The following RTRAF variants were observed in gnomAD, a reference collection of about 807,000 sequenced individuals.
RTRAF encodes the protein RNA transcription, translation and transport factor, also known as tRNA-splicing ligase complex subunit RTRAF.
Under a neutral mutation model 34.4 loss-of-function variants are expected in RTRAF, and 14 were observed. That is an observed-to-expected ratio of 0.41 (90% CI 0.27 to 0.64). The LOEUF is 0.64. Ranked by LOEUF, RTRAF falls within the 30% of genes least tolerant of loss-of-function variation. The pLI, the probability that RTRAF is intolerant of heterozygous loss-of-function variation, is 0.34. For missense variants in RTRAF, 291 were observed against 288.4 expected (o/e 1.01, Z -0.06); for synonymous variants, 96 against 95.3 (o/e 1.01, Z -0.04).
chr14:52,006,673 AGG>A lies in RTRAF; in HGVS notation c.*2161_*2162del, dbSNP rs1222504827. 6.2e-7 allele frequency: 1 copy of A among 1,612,886 alleles called. No individual in the cohort carries two copies. Among genetic ancestry groups the A allele is most frequent in the African/African-American group, 1.3e-5 (1 of 74,894 alleles). On this transcript the variant is annotated 3_prime_UTR_variant, in exon 8 of 8. Transcript: ENST00000261700. The stretch of plus-strand genomic sequence containing the variant: ...AGTTTTTTGGTTCCTTTTAAAACAA[AGG>A]GGGAAAATGAGGTCCTTCAGCTGCT...
rs1410149988 is a variant in RTRAF at position 52,008,541 on chromosome 14, A to C, written c.*4025A>C. The C allele has an allele frequency of 6.6e-6, 1 of 152,244 alleles. No individual in the cohort carries two copies. The highest frequency in any genetic ancestry group is 1.5e-5 in the Non-Finnish European group (1 of 68,070). 9.4% of individuals were successfully genotyped at this position (152,244 alleles called of 1,614,324 possible). A position where few individuals can be genotyped will look rare whatever the true frequency, so the allele number is the denominator to read the frequency against. Reference sequence around the variant, plus strand: ...TTTCTTACACAGCAGTAGGTAACTAATACACAGCCATATTCCACTTTTACC... The same window carrying C: ...TTTCTTACACAGCAGTAGGTAACTACTACACAGCCATATTCCACTTTTACC... On this transcript the variant is annotated 3_prime_UTR_variant, in exon 8 of 8. Coordinates refer to ENST00000261700, the MANE Select transcript of RTRAF (RefSeq NM_016039.3).
At position 52,005,402 on chromosome 14, in the gene RTRAF, T is replaced by C. The variant is rs1358869765; in HGVS notation, c.*886T>C. ...GAACGTCTAATGGCCAATTCCTTTTTTACTTTCTTTGCCTTTGCAGTCACT... is the reference window on the plus strand; with the variant it reads ...GAACGTCTAATGGCCAATTCCTTTTCTACTTTCTTTGCCTTTGCAGTCACT... On this transcript the variant is annotated 3_prime_UTR_variant, in exon 8 of 8. Transcript: ENST00000261700. 5 of 1,360,232 alleles carry C rather than the reference T, an allele frequency of 3.7e-6. No individual in the cohort carries two copies. The highest frequency in any genetic ancestry group is 5.0e-5 in the Admixed American group (2 of 40,086). 84.3% of individuals were successfully genotyped at this position (1,360,232 alleles called of 1,614,324 possible).
At chr14:51,993,218 T>C (rs1249031560) in intron 2 of RTRAF, among the ~76,000 whole-genome samples, 1 of 152,184 alleles carries the variant, frequency 6.6e-6, no homozygotes, top group African/African-American at 2.4e-5. Context: ...ATAATACTAT[T>C]ATATGCAACA....
intron 1 of RTRAF, among the ~76,000 whole-genome samples, chr14:51,990,764 A>T (rs1890420105): frequency 6.6e-6 from 1 of 152,212 alleles, no homozygotes; most frequent in Admixed American, 6.5e-5. Context: ...TTAACATTCC[A>T]TGACAACAGT....
rs746758369 is a variant in RTRAF at position 52,004,182 on chromosome 14, CT to C, written c.532-5del. On this transcript the variant is annotated splice_polypyrimidine_tract_variant and intron_variant, in intron 6 of 7. Coordinates refer to ENST00000261700, the MANE Select transcript of RTRAF (RefSeq NM_016039.3). ...CCATAAATACTCTCATTTTGTCTTTCTTTTTTTAAAGGGCTTACCTGTTGCT... is the reference window on the plus strand; with the variant it reads ...CCATAAATACTCTCATTTTGTCTTTCTTTTTTAAAGGGCTTACCTGTTGCT... 4 of 1,606,756 alleles carry C rather than the reference CT, an allele frequency of 2.5e-6. No homozygotes were observed. Among genetic ancestry groups the C allele is most frequent in the Admixed American group, 3.4e-5 (2 of 59,540 alleles).
rs564171907 is a variant in RTRAF, at chr14:52,006,892, G to T, written c.*2376G>T. ...ACAGGATTGCATTTACTGAAATCTG[G>T]TAAGTTTCTGCCAAAGTAGGGCATT... On this transcript the variant is annotated 3_prime_UTR_variant, in exon 8 of 8. Transcript: ENST00000261700. 65 of 351,712 alleles carry T rather than the reference G, an allele frequency of 1.8e-4. No homozygotes were observed. The South Asian group carries it at 2.3e-3, about 13-fold the overall frequency. 21.8% of individuals were successfully genotyped at this position (351,712 alleles called of 1,614,324 possible). A position where few individuals can be genotyped will look rare whatever the true frequency, so the allele number is the denominator to read the frequency against.
At chr14:51,989,852 T>G (rs972128401) in intron 1 of RTRAF, 152 bp downstream of exon 1, 151 of 679,660 alleles carry the variant, frequency 2.2e-4, no homozygotes, top group Non-Finnish European at 3.5e-4. Context: ...GCCACGTACC[T>G]CGGCTCTTCG....
intron 2 of RTRAF, among the ~76,000 whole-genome samples, chr14:51,992,859 C>T (rs193216996): frequency 7.2e-5 from 11 of 152,182 alleles, no homozygotes; most frequent in East Asian, 1.9e-4. Flanking sequence ...GGCGAAACCC[C>T]GTCTCTACTA....
In RTRAF at chr14:52,007,445, T is replaced by A. The variant is rs765258781; in HGVS notation, c.*2929T>A. 4 of 234,840 alleles carry A rather than the reference T, an allele frequency of 1.7e-5. No individual in the cohort carries two copies. The highest frequency in any genetic ancestry group is 3.3e-5 in the Non-Finnish European group (4 of 120,512). 14.5% of individuals were successfully genotyped at this position (234,840 alleles called of 1,614,324 possible). A position where few individuals can be genotyped will look rare whatever the true frequency, so the allele number is the denominator to read the frequency against. ...CTGCTACAATGCTTTCCAAAGAATG[T>A]CCTTAGCATTATAACAGATGTTTAT... is the stretch of plus-strand genomic sequence containing the variant. On this transcript the variant is annotated 3_prime_UTR_variant, in exon 8 of 8. Coordinates refer to ENST00000261700, the MANE Select transcript of RTRAF (RefSeq NM_016039.3).
Position 51,999,809 on chromosome 14 carries a change from T to A in RTRAF, c.462+13T>A. 6.4e-7 allele frequency: 1 copy of A among 1,565,492 alleles called. No homozygotes were observed. The highest frequency in any genetic ancestry group is 8.8e-7 in the Non-Finnish European group (1 of 1,140,886). The stretch of plus-strand genomic sequence containing the variant: ...GGTAATGCTTAAGGTCAGCTTCATG[T>A]TCTTGATTCTTGACAGAAACTGTGC... On this transcript the variant is annotated intron_variant, in intron 5 of 7. Transcript: ENST00000261700.
chr14:52,004,516 A>G lies in RTRAF; in HGVS notation c.735A>G (p.Ter245TrpextTer11). 1 of 1,612,214 alleles carries G rather than the reference A, an allele frequency of 6.2e-7. No homozygotes were observed. Among genetic ancestry groups the G allele is most frequent in the Admixed American group, 1.7e-5 (1 of 59,906 alleles). The change falls in exon 8 of 8, where the codon TGA becomes TGG. Residue 245 changes from the stop codon to tryptophan (W), a stop_lost. Transcript: ENST00000261700. The stretch of plus-strand genomic sequence containing the variant: ...ACAGACTGGGAAAAGTTGGAAGATG[A>G]ACACTTGAGGACTTCAGCTTCTCAC... ...TDHRLGKVGR[*>W]
chr14:51,998,622 GT>G, intron 4 of RTRAF, 42 bp downstream of exon 4: 1 of 1,345,576 alleles, frequency 7.4e-7, no homozygotes. Flanking sequence ...AACATTTTTG[GT>G]TTTTTAAATG....
rs1212729119 is a variant in RTRAF at position 52,007,687 on chromosome 14, A to T, written c.*3171A>T. On this transcript the variant is annotated 3_prime_UTR_variant, in exon 8 of 8. Transcript: ENST00000261700. Reference sequence around the variant, plus strand: ...CTAGTACTTAAATTTACTAGTACTTAAAAGTTTACAGACCAAAGAAAGGAG... The same window carrying T: ...CTAGTACTTAAATTTACTAGTACTTTAAAGTTTACAGACCAAAGAAAGGAG... 1 of 918,504 alleles carries T rather than the reference A, an allele frequency of 1.1e-6. No homozygotes were observed. Among genetic ancestry groups the T allele is most frequent in the Non-Finnish European group, 1.7e-6 (1 of 587,876 alleles). 56.9% of individuals were successfully genotyped at this position (918,504 alleles called of 1,614,324 possible). A position where few individuals can be genotyped will look rare whatever the true frequency, so the allele number is the denominator to read the frequency against.
At chr14:51,992,200 C>T (rs554980989) in intron 2 of RTRAF, among the ~76,000 whole-genome samples, 1 of 152,232 alleles carries the variant, frequency 6.6e-6, no homozygotes, top group Non-Finnish European at 1.5e-5. Flanking sequence ...AAAAAGAATT[C>T]TCAGATTAGA....
In RTRAF at chr14:52,004,609, G is replaced by T; in HGVS notation, c.*93G>T. 1 of 1,276,020 alleles carries T rather than the reference G, an allele frequency of 7.8e-7. No individual in the cohort carries two copies. The allele number at this position is 1,276,020 out of a possible 1,614,324, so 79.0% of individuals were successfully genotyped here. A position where few individuals can be genotyped will look rare whatever the true frequency, so the allele number is the denominator to read the frequency against. ...GAAATCAAAATGTCACATTCTCGGGGGAGGAAGCCCAGAAAATTGGGTATG... is the reference window on the plus strand; with the variant it reads ...GAAATCAAAATGTCACATTCTCGGGTGAGGAAGCCCAGAAAATTGGGTATG... On this transcript the variant is annotated 3_prime_UTR_variant, in exon 8 of 8. Coordinates refer to ENST00000261700, the MANE Select transcript of RTRAF (RefSeq NM_016039.3).
chr14:51,991,059 G>A (rs1253678), intron 1 of RTRAF, among the ~76,000 whole-genome samples: 55,481 of 151,988 alleles, frequency 0.37, 10,736 homozygotes, highest in East Asian at 0.68. Context: ...TAGCTGAAGA[G>A]TCTGAGGCAC....
In RTRAF at chr14:52,005,736, C is replaced by T; in HGVS notation, c.*1220C>T. 6.2e-7 allele frequency: 1 copy of T among 1,608,370 alleles called. No individual in the cohort carries two copies. The highest frequency in any genetic ancestry group is 2.2e-5 in the East Asian group (1 of 44,862). ...GGAGCATCCTAAAGCATACTTTTTA[C>T]CTGTTGGGCAGTAGGGGTAGACTGC... On this transcript the variant is annotated 3_prime_UTR_variant, in exon 8 of 8. Coordinates refer to ENST00000261700, the MANE Select transcript of RTRAF (RefSeq NM_016039.3).
chr14:52,009,298 T>C lies in RTRAF; in HGVS notation c.*4782T>C, dbSNP rs1275642277. The C allele has an allele frequency of 2.0e-5, 3 of 152,324 alleles. No homozygotes were observed. Among genetic ancestry groups the C allele is most frequent in the African/African-American group, 7.2e-5 (3 of 41,574 alleles). The allele number at this position is 152,324 out of a possible 1,614,324, so 9.4% of individuals were successfully genotyped here. ...GTCTCCTCCCCAAAATGATTTAATA[T>C]CATCAACAACAATAAGTCTGAAACA... is the stretch of plus-strand genomic sequence containing the variant. On this transcript the variant is annotated 3_prime_UTR_variant, in exon 8 of 8. Transcript: ENST00000261700.
At chr14:51,990,450 A>G (rs929158779) in intron 1 of RTRAF, among the ~76,000 whole-genome samples, 1 of 152,266 alleles carries the variant, frequency 6.6e-6, no homozygotes, top group Non-Finnish European at 1.5e-5. Flanking sequence ...GTGATCAAGT[A>G]TAACTTGTGA....
Sources: gnomAD v4.1 joint callset for allele counts (sites outside exome capture counted in the v4.1 genomes callset) on GRCh38, gnomAD v4.1.1 for gene constraint, MANE v1.5 for transcripts, NCBI Gene and HGNC (gene_info 2026-07-23, HGNC 2026-07-21) for gene names.